The following LIPG variants were observed in gnomAD, a reference collection of about 807,000 sequenced individuals.
LIPG encodes the protein lipase G, endothelial type, also known as endothelial lipase.
Under a neutral mutation model 51.8 loss-of-function variants are expected in LIPG, and 34 were observed. The ratio of observed to expected loss-of-function variants is 0.66; its 90% CI spans 0.50 to 0.87. LIPG has a LOEUF of 0.87. LIPG is among the 40% of genes least tolerant of loss of function. The pLI is 0.00. For synonymous variants in LIPG, 246 were observed against 246.1 expected (o/e 1.00, Z 0.00); for missense variants, 580 against 652.7 (o/e 0.89, Z 1.21).
At position 49,575,408 on chromosome 18, in the gene LIPG, T is replaced by C; in HGVS notation, c.611T>C (p.Ile204Thr). 6.2e-7 allele frequency: 1 copy of C among 1,613,724 alleles called. No individual in the cohort carries two copies. Among genetic ancestry groups the C allele is most frequent in the Non-Finnish European group, 8.5e-7 (1 of 1,180,036 alleles). ...GGGCCCATGTTTGAAGGGGCCGACA[T>C]CCACAAGAGGCTCTCTCCGGACGAT... The part of the protein sequence containing the change: ...PAGPMFEGAD[I>T]HKRLSPDDAD... The change falls in exon 5 of 10, where the codon ATC (isoleucine) becomes ACC (threonine). Residue 204 changes from isoleucine (I) to threonine (T), a missense_variant. By Grantham distance (89) the Ile-to-Thr change is moderately conservative. Coordinates refer to ENST00000261292, the MANE Select transcript of LIPG (RefSeq NM_006033.4).
chr18:49,564,177 T>G (rs771673746), intron 1 of LIPG, among the ~76,000 whole-genome samples: 24 of 152,174 alleles, frequency 1.6e-4, no homozygotes, highest in Non-Finnish European at 2.8e-4. Context: ...TCTTTCCTTT[T>G]GGTATCTTCT....
chr18:49,567,689 C>T, intron 3 of LIPG, 68 bp downstream of exon 3: 1 of 1,499,572 alleles, frequency 6.7e-7, no homozygotes, highest in Non-Finnish European at 9.2e-7. Flanking sequence ...TTAAGAAATG[C>T]AGGTCATGCA....
intron 4 of LIPG, among the ~76,000 whole-genome samples, chr18:49,570,055 A>G (rs2084647416): frequency 6.6e-6 from 1 of 152,222 alleles, no homozygotes; most frequent in Admixed American, 6.5e-5. Flanking sequence ...GAAAAGAATG[A>G]ATAGTAGATT....
At chr18:49,581,778 C>T (rs576463342) in intron 6 of LIPG, 121 bp downstream of exon 6, 32 of 1,248,020 alleles carry the variant, frequency 2.6e-5, no homozygotes, top group African/African-American at 5.9e-5. Flanking sequence ...CCAATCAAAT[C>T]GTTGCAAATC....
Position 49,594,448 on chromosome 18 carries a change from T to G in LIPG, c.*3926T>G. ...CCGGGCCCAGCCACTAGCTGTAATT[T>G]TGTATCTTTTAACAATTCCGTCCCT... is the stretch of plus-strand genomic sequence containing the variant. On this transcript the variant is annotated 3_prime_UTR_variant, in exon 10 of 10. Coordinates refer to ENST00000261292, the MANE Select transcript of LIPG (RefSeq NM_006033.4). 1 of 152,218 alleles carries G rather than the reference T, an allele frequency of 6.6e-6. No homozygotes were observed. The highest frequency in any genetic ancestry group is 1.9e-4 in the East Asian group (1 of 5,200). 9.4% of individuals were successfully genotyped at this position (152,218 alleles called of 1,614,324 possible).
At chr18:49,578,157 C>T (rs2084749763) in intron 5 of LIPG, among the ~76,000 whole-genome samples, 1 of 146,780 alleles carries the variant, frequency 6.8e-6, no homozygotes, top group Non-Finnish European at 1.5e-5. Context: ...GGGGTGGCTG[C>T]TGGGCGGAGA....
chr18:49,584,959 G>A (rs2084866390), intron 8 of LIPG, among the ~76,000 whole-genome samples: 1 of 152,292 alleles, frequency 6.6e-6, no homozygotes, highest in East Asian at 1.9e-4. Flanking sequence ...AAGCCCCTGT[G>A]TCCTTCTCTG....
intron 4 of LIPG, among the ~76,000 whole-genome samples, chr18:49,574,094 G>A (rs764962430): frequency 2.0e-5 from 3 of 152,142 alleles, no homozygotes; most frequent in South Asian, 2.1e-4. Flanking sequence ...CTGTTCCAGC[G>A]GCCCTTCCTT....
chr18:49,562,183 C>G lies in LIPG; in HGVS notation c.-126C>G. On this transcript the variant is annotated 5_prime_UTR_variant, in exon 1 of 10. Coordinates refer to ENST00000261292, the MANE Select transcript of LIPG (RefSeq NM_006033.4). ...GCCAAGTTTTCATTTTCCACCTTCT[C>G]TGCCTCCAGTCCCCCAGCCCCTGGC... 6.5e-7 allele frequency: 1 copy of G among 1,546,310 alleles called. No homozygotes were observed. Among genetic ancestry groups the G allele is most frequent in the Non-Finnish European group, 8.7e-7 (1 of 1,151,434 alleles).
At chr18:49,579,019 AGG>A (rs1555778273) in intron 5 of LIPG, among the ~76,000 whole-genome samples, 4 of 128 alleles carry the variant, frequency 0.031, no homozygotes, top group Non-Finnish European at 0.029. Flanking sequence ...GGAGAGGGAG[AGG>A]GAGAGGGAGA....
chr18:49,567,359 A>C, intron 2 of LIPG, 83 bp from the exon 3 acceptor site: 1 of 1,392,436 alleles, frequency 7.2e-7, no homozygotes. Flanking sequence ...TTAATTGGGA[A>C]GAGGGTCATA....
intron 3 of LIPG, 38 bp downstream of exon 3, chr18:49,567,659 G>A: frequency 6.2e-7 from 1 of 1,606,314 alleles, no homozygotes; most frequent in Non-Finnish European, 8.5e-7. Context: ...GTCACCAGCA[G>A]GATCTCAAAC....
intron 7 of LIPG, 97 bp downstream of exon 7, chr18:49,582,579 A>T (rs748725625): frequency 2.0e-4 from 299 of 1,494,866 alleles, no homozygotes; most frequent in Non-Finnish European, 2.6e-4. Context: ...TACAGCACGC[A>T]GGAGAGTGCA....
intron 4 of LIPG, among the ~76,000 whole-genome samples, chr18:49,573,714 T>C (rs1463422343): frequency 6.6e-6 from 1 of 152,252 alleles, no homozygotes; most frequent in Non-Finnish European, 1.5e-5. Context: ...GCCTCTTGTT[T>C]ATCCTGAAAC....
At chr18:49,577,790 G>T (rs1348285674) in intron 5 of LIPG, among the ~76,000 whole-genome samples, 2 of 116,018 alleles carry the variant, frequency 1.7e-5, no homozygotes, top group African/African-American at 3.8e-5. Flanking sequence ...TGGCCAGGCG[G>T]GGGGCTGACC....
intron 2 of LIPG, 93 bp from the exon 3 acceptor site, chr18:49,567,348 AT>A: frequency 1.5e-6 from 2 of 1,330,250 alleles, no homozygotes; most frequent in Non-Finnish European, 2.1e-6. Context: ...AAAAAAAAAA[AT>A]TAATTGGGAA....
At chr18:49,563,196 A>C (rs143962996) in intron 1 of LIPG, among the ~76,000 whole-genome samples, 274 of 152,216 alleles carry the variant, frequency 1.8e-3, no homozygotes, top group Non-Finnish European at 3.3e-3. Flanking sequence ...CTCATCTTCT[A>C]GTCTGCTGAG....
intron 8 of LIPG, among the ~76,000 whole-genome samples, chr18:49,586,511 G>GA (rs1386107269): frequency 6.6e-6 from 1 of 152,164 alleles, no homozygotes; most frequent in Non-Finnish European, 1.5e-5. Flanking sequence ...TAGACAGAAG[G>GA]AAGCAGGTGG....
At chr18:49,576,036 C>A (rs2084712542) in intron 5 of LIPG, among the ~76,000 whole-genome samples, 2 of 152,102 alleles carry the variant, frequency 1.3e-5, no homozygotes, top group African/African-American at 4.8e-5. Flanking sequence ...TGGGTTTTCA[C>A]CATGTTGGCC....
Sources: allele counts gnomAD v4.1 joint callset (sites outside exome capture counted in the v4.1 genomes callset), GRCh38; gene constraint gnomAD v4.1.1; transcripts MANE v1.5; gene names NCBI Gene and HGNC (gene_info 2026-07-23, HGNC 2026-07-21).